LRIG1: variants seen among roughly 807,000 people sequenced by gnomAD.
LRIG1 encodes leucine-rich repeats and immunoglobulin-like domains protein 1.
In LRIG1, 48 loss-of-function variants were observed where a neutral mutation model predicts 99.2. The observed-to-expected ratio is 0.48, with a 90% CI of 0.38 to 0.62. LRIG1 has a LOEUF of 0.62. Ranked by LOEUF, LRIG1 falls within the 20% of genes least tolerant of loss-of-function variation. The pLI is 0.00. For missense variants in LRIG1, 1,646 were observed against 1,434.4 expected (o/e 1.15, Z -2.38); for synonymous variants, 772 against 596.1 (o/e 1.29, Z -4.30).
rs9851862 is a variant in LRIG1, at chr3:66,439,187, G to A, written c.365+12372C>T. Among the ~76,000 whole-genome samples, 721 of 152,286 alleles carry A rather than the reference G, an allele frequency of 4.7e-3. 4 individuals are homozygous for A. The highest frequency in any genetic ancestry group is 0.016 in the African/African-American group (672 of 41,548). On this transcript the variant is annotated intron_variant, in intron 3 of 18. Coordinates refer to ENST00000273261, the MANE Select transcript of LRIG1 (RefSeq NM_015541.3). The stretch of plus-strand genomic sequence containing the variant: ...GAAGGGGAGCCCCTGGAAGAACTGC[G>A]CCAAGGCCTCCCCGGGCCCAGCCCA...
intron 1 of LRIG1, among the ~76,000 whole-genome samples, chr3:66,486,824 G>A (rs1700985783): frequency 1.3e-5 from 2 of 152,084 alleles, no homozygotes; most frequent in South Asian, 2.1e-4. Flanking sequence ...TTACGCTTTT[G>A]TGTTTCTTCT....
At chr3:66,388,991 G>A (rs575731707) in intron 12 of LRIG1, among the ~76,000 whole-genome samples, 5 of 152,070 alleles carry the variant, frequency 3.3e-5, no homozygotes, top group Admixed American at 1.3e-4. Flanking sequence ...TTTGTAACTC[G>A]CGTCTCCTGA....
rs1701367489 is a variant in LRIG1 at position 66,386,234 on chromosome 3, G to C, written c.1536C>G (p.Ile512Met). ...TGCTGGCTGCTGAGCATGTAAACCGGATGTCCTTGCCCACCATAGCCATGG... is the reference window on the plus strand; with the variant it reads ...TGCTGGCTGCTGAGCATGTAAACCGCATGTCCTTGCCCACCATAGCCATGG... ...ETTMAMVGKD[I>M]RFTCSAASSS... The change falls in exon 13 of 19, where the codon ATC (isoleucine) becomes ATG (methionine). Residue 512 changes from isoleucine (I) to methionine (M), a missense_variant. Transcript: ENST00000273261. 6.2e-7 allele frequency: 1 copy of C among 1,614,006 alleles called. No homozygotes were observed. Among genetic ancestry groups the C allele is most frequent in the African/African-American group, 1.3e-5 (1 of 74,910 alleles).
Position 66,500,433 on chromosome 3 carries a change from C to G in LRIG1, c.-26G>C. 7.5e-7 allele frequency: 1 copy of G among 1,333,930 alleles called. No homozygotes were observed. The highest frequency in any genetic ancestry group is 9.6e-7 in the Non-Finnish European group (1 of 1,042,416). The allele number at this position is 1,333,930 out of a possible 1,614,324, so 82.6% of individuals were successfully genotyped here. A position where few individuals can be genotyped will look rare whatever the true frequency, so the allele number is the denominator to read the frequency against. On this transcript the variant is annotated 5_prime_UTR_variant, in exon 1 of 19. Coordinates refer to ENST00000273261, the MANE Select transcript of LRIG1 (RefSeq NM_015541.3). ...CTTGTCTGGAGCGCGCTGCGAACTCCGGGCGCGGGGACTGTGAGGACCCGA... is the reference window on the plus strand; with the variant it reads ...CTTGTCTGGAGCGCGCTGCGAACTCGGGGCGCGGGGACTGTGAGGACCCGA...
chr3:66,381,709 G>T, intron 16 of LRIG1, 78 bp from the exon 17 acceptor site: 1 of 1,506,922 alleles, frequency 6.6e-7, no homozygotes, highest in East Asian at 2.3e-5. Flanking sequence ...AATGAGCAAG[G>T]CCGCTAGAAC....
chr3:66,425,274 T>C (rs545062291), intron 3 of LRIG1, among the ~76,000 whole-genome samples: 1 of 152,216 alleles, frequency 6.6e-6, no homozygotes, highest in Non-Finnish European at 1.5e-5. Context: ...AATCTGAACA[T>C]TAGCTGGCCA....
intron 16 of LRIG1, 35 bp from the exon 17 acceptor site, chr3:66,381,666 G>A (rs775511610): frequency 6.2e-7 from 1 of 1,600,720 alleles, no homozygotes; most frequent in Admixed American, 1.7e-5. Context: ...AGAAACTCTG[G>A]GCTTGGTATT....
intron 12 of LRIG1, chr3:66,387,654 A>C (rs1182820018): frequency 6.6e-6 from 1 of 152,152 alleles, no homozygotes; most frequent in African/African-American, 2.4e-5. Context: ...TTTTCAACAA[A>C]ATATTATGAA....
At chr3:66,390,553 A>G (rs1701578497) in intron 12 of LRIG1, among the ~76,000 whole-genome samples, 2 of 152,222 alleles carry the variant, frequency 1.3e-5, no homozygotes, top group Admixed American at 1.3e-4. Flanking sequence ...ACATTAGTCT[A>G]TAGATTCAAT....
chr3:66,458,031 C>T (rs1426121130), intron 2 of LRIG1, among the ~76,000 whole-genome samples: 6 of 152,262 alleles, frequency 3.9e-5, no homozygotes, highest in Non-Finnish European at 5.9e-5. Context: ...TTGAGTTCAA[C>T]TCTCAGCTTT....
At chr3:66,456,753 A>T (rs1461402984) in intron 2 of LRIG1, among the ~76,000 whole-genome samples, 1 of 152,120 alleles carries the variant, frequency 6.6e-6, no homozygotes, top group Non-Finnish European at 1.5e-5. Flanking sequence ...AATACCCAAT[A>T]GCAGGCAGGG....
chr3:66,427,897 T>C (rs1255946791), intron 3 of LRIG1, among the ~76,000 whole-genome samples: 2 of 152,212 alleles, frequency 1.3e-5, no homozygotes, highest in African/African-American at 4.8e-5. Context: ...GTACATACCC[T>C]TTTTTATTTG....
At chr3:66,396,620 T>A (rs1234616250) in intron 11 of LRIG1, among the ~76,000 whole-genome samples, 2 of 152,214 alleles carry the variant, frequency 1.3e-5, no homozygotes, top group Non-Finnish European at 2.9e-5. Context: ...TCCAGAACCA[T>A]GCAGAAGCAC....
intron 1 of LRIG1, among the ~76,000 whole-genome samples, chr3:66,475,969 C>A (rs1005949894): frequency 1.3e-5 from 2 of 152,152 alleles, no homozygotes; most frequent in Non-Finnish European, 2.9e-5. Context: ...AGCTTGATTT[C>A]TTTTCTTCCA....
At chr3:66,450,077 C>T (rs756431611) in intron 3 of LRIG1, among the ~76,000 whole-genome samples, 2 of 152,162 alleles carry the variant, frequency 1.3e-5, no homozygotes, top group East Asian at 1.9e-4. Context: ...TCACATAAGA[C>T]GAACTCATTG....
At chr3:66,496,252 G>A (rs992755782) in intron 1 of LRIG1, among the ~76,000 whole-genome samples, 1 of 152,174 alleles carries the variant, frequency 6.6e-6, no homozygotes, top group African/African-American at 2.4e-5. Context: ...ATGTCCTAAA[G>A]GCAAGAGGGA....
chr3:66,472,303 C>CAAAAAAAAAAAAA (rs71105995), intron 1 of LRIG1, among the ~76,000 whole-genome samples: 1 of 63,868 alleles, frequency 1.6e-5, no homozygotes, highest in African/African-American at 6.9e-5. Flanking sequence ...GACTCTGTCT[C>CAAAAAAAAAAAAA]AAAAAAAAAA....
intron 1 of LRIG1, among the ~76,000 whole-genome samples, chr3:66,499,546 G>C (rs1008263593): frequency 1.3e-5 from 2 of 152,120 alleles, no homozygotes; most frequent in African/African-American, 4.8e-5. Context: ...AGGTCGCCAG[G>C]AACTGTCAAA....
At chr3:66,426,410 G>A (rs1360588788) in intron 3 of LRIG1, among the ~76,000 whole-genome samples, 1 of 152,210 alleles carries the variant, frequency 6.6e-6, no homozygotes, top group African/African-American at 2.4e-5. Flanking sequence ...ACCAGTTTGT[G>A]TTTCTTGGGG....
Sources: gnomAD v4.1 joint callset for allele counts (sites outside exome capture counted in the v4.1 genomes callset) on GRCh38, gnomAD v4.1.1 for gene constraint, MANE v1.5 for transcripts, NCBI Gene and HGNC (gene_info 2026-07-23, HGNC 2026-07-21) for gene names.